The following FSD1 variants were observed in gnomAD, a reference collection of about 807,000 sequenced individuals.
FSD1 encodes fibronectin type III and SPRY domain-containing protein 1.
FSD1 carries 23 observed loss-of-function variants against 58.2 expected under a neutral mutation model. The ratio of observed to expected loss-of-function variants is 0.40; its 90% CI spans 0.28 to 0.56. The LOEUF is 0.56. FSD1 is among the 20% of genes least tolerant of loss of function. The pLI is 0.54. For synonymous variants in FSD1, 265 were observed against 263.4 expected, an observed-to-expected ratio of 1.01 and a Z score of -0.06; for missense variants, 563 against 670.8, an observed-to-expected ratio of 0.84 and a Z score of 1.78.
chr19:4,304,841 A>AACCCCC, intron 1 of FSD1, 80 bp downstream of exon 1: 1 of 312,796 alleles, frequency 3.2e-6, no homozygotes, highest in Non-Finnish European at 4.2e-6. Context: ...CAGCGCCCCC[A>AACCCCC]CTCCCTCCCC....
At chr19:4,308,752 G>A (rs1971654207) in intron 4 of FSD1, among the ~76,000 whole-genome samples, 1 of 151,936 alleles carries the variant, frequency 6.6e-6, no homozygotes, top group Admixed American at 6.6e-5. Flanking sequence ...CAGCTACTCG[G>A]GAGGCTGAGG....
intron 7 of FSD1, among the ~76,000 whole-genome samples, chr19:4,316,269 T>A (rs1254629913): frequency 6.6e-6 from 1 of 152,130 alleles, no homozygotes; most frequent in East Asian, 1.9e-4. Flanking sequence ...TCACCCAGGC[T>A]AGAGTGCAGT....
Position 4,323,370 on chromosome 19 carries a change from C to T in FSD1, c.1314C>T (p.Ala438=). 1 of 1,613,898 alleles carries T rather than the reference C, an allele frequency of 6.2e-7. No homozygotes were observed. The highest frequency in any genetic ancestry group is 8.5e-7 in the Non-Finnish European group (1 of 1,179,864). Residue 438 remains alanine (A), a synonymous_variant, in exon 12 of 13, where the codon GCC becomes GCT. Transcript: ENST00000221856. The surrounding 1 kb of genome is among the most constrained non-coding windows in gnomAD (Gnocchi z 7.7). The part of the protein sequence containing the change: ...FHQGLLSFYN[A]RTKQVLHTFK... ...CAGGCCTCCTGTCCTTCTACAATGC[C>T]CGCACCAAACAAGTGCTGCACACTT... is the stretch of plus-strand genomic sequence containing the variant.
intron 7 of FSD1, 64 bp downstream of exon 7, chr19:4,312,115 C>T (rs1971700118): frequency 5.1e-6 from 7 of 1,381,590 alleles, no homozygotes; most frequent in South Asian, 2.5e-5. Context: ...CCTCCCGTCT[C>T]GCCATCAGTC....
Position 4,323,317 on chromosome 19 carries a change from G to A in FSD1, c.1292-31G>A, listed in dbSNP as rs145078106. On this transcript the variant is annotated intron_variant, in intron 11 of 12. Transcript: ENST00000221856. This position sits in a 1 kb window ranked among gnomAD's most constrained non-coding sequence, Gnocchi z 7.7. ...TCTGCCCCCATCCCACTTCTGACCG[G>A]TCCCACTGTCACTCTGCCCCCCGAC... 812 of 1,609,688 alleles carry A rather than the reference G, an allele frequency of 5.0e-4. 2 individuals are homozygous for A. The African/African-American group carries it at 0.01, about 20-fold the overall frequency.
rs759990460 is a variant in FSD1, at chr19:4,317,205, A to G, written c.724A>G (p.Met242Val). 1.9e-6 allele frequency: 3 copies of G among 1,611,684 alleles called. No homozygotes were observed. The highest frequency in any genetic ancestry group is 1.3e-5 in the African/African-American group (1 of 75,004). Residue 242 changes from methionine (M) to valine (V), a missense_variant, in exon 8 of 13, where the codon ATG becomes GTG. Transcript: ENST00000221856. ...LTGLKFDMKY[M>V]NFRVKACNKA... ...AGGTCTCAAGTTTGACATGAAATAC[A>G]TGAACTTCCGTGTGAAGGCCTGTAA...
intron 8 of FSD1, among the ~76,000 whole-genome samples, chr19:4,317,916 C>T (rs1414784884): frequency 6.6e-6 from 1 of 152,134 alleles, no homozygotes; most frequent in African/African-American, 2.4e-5. Flanking sequence ...ACTTGGGAGG[C>T]TGAGGCAGGA....
rs759232762 is a variant in FSD1 at position 4,323,602 on chromosome 19, C to T, written c.1450C>T (p.Arg484Ter). The change falls in exon 13 of 13, where the codon CGA becomes TGA. Residue 484 changes from arginine to a stop codon, truncating the protein, a stop_gained. Transcript: ENST00000221856. LOFTEE classifies it high-confidence loss of function. The surrounding 1 kb of genome is among the most constrained non-coding windows in gnomAD (Gnocchi z 7.7). Reference sequence around the variant, plus strand: ...CAGTGCTGTGCGCTGCCTGCAAAAGCGAGGCAGTGCTACCAGCAGCTCCAA... The same window carrying T: ...CAGTGCTGTGCGCTGCCTGCAAAAGTGAGGCAGTGCTACCAGCAGCTCCAA... ...VPSAVRCLQK[R>*]GSATSSSNTS... 8.7e-6 allele frequency: 14 copies of T among 1,613,114 alleles called. No individual in the cohort carries two copies. The highest frequency in any genetic ancestry group is 1.7e-4 in the Middle Eastern group (1 of 6,044).
rs777581184 is a variant in FSD1, at chr19:4,307,913, A to G, written c.275A>G (p.Glu92Gly). Residue 92 changes from glutamate (E) to glycine (G), a missense_variant, in exon 4 of 13, where the codon GAG becomes GGG. Physicochemically the swap from Glu to Gly is moderately conservative, Grantham distance 98 (BLOSUM62 -2). Transcript: ENST00000221856. The stretch of plus-strand genomic sequence containing the variant: ...CTGGCTGCCTGCACGCGGGCCCTGG[A>G]GAGCTCCGAGGAGCTTCTGGAGACA... ...NQLAACTRAL[E>G]SSEELLETAN... 4 of 1,613,830 alleles carry G rather than the reference A, an allele frequency of 2.5e-6. No individual in the cohort carries two copies. Among genetic ancestry groups the G allele is most frequent in the Middle Eastern group, 3.3e-4 (2 of 6,054 alleles).
chr19:4,309,908 C>CA (rs796584941), intron 4 of FSD1, among the ~76,000 whole-genome samples: 2,541 of 115,742 alleles, frequency 0.022, 35 homozygotes, highest in African/African-American at 0.05. Flanking sequence ...GACTCCATCT[C>CA]AAAAAAAAAA....
intron 7 of FSD1, among the ~76,000 whole-genome samples, chr19:4,315,476 T>G (rs1468624105): frequency 6.7e-6 from 1 of 149,952 alleles, no homozygotes. Flanking sequence ...GCCTGGCTAA[T>G]TTTTTGTATT....
intron 3 of FSD1, among the ~76,000 whole-genome samples, chr19:4,306,955 C>G (rs544214760): frequency 6.6e-6 from 1 of 152,332 alleles, no homozygotes; most frequent in East Asian, 1.9e-4. Flanking sequence ...GTCACACAGG[C>G]TGCATCCAGA....
chr19:4,311,756 A>G (rs1369308778), intron 6 of FSD1, 86 bp from the exon 7 acceptor site: 4 of 1,255,232 alleles, frequency 3.2e-6, no homozygotes, highest in African/African-American at 3.0e-5. Context: ...ATTGTCCAAC[A>G]TGTGGTTGGG....
At chr19:4,306,435 C>A in intron 3 of FSD1, 106 bp downstream of exon 3, 1 of 1,132,346 alleles carries the variant, frequency 8.8e-7, no homozygotes, top group Non-Finnish European at 1.3e-6. Context: ...AGTTTCTGAT[C>A]TCTCCCCTGA....
At chr19:4,305,018 C>T (rs12979273) in intron 1 of FSD1, among the ~76,000 whole-genome samples, 1 of 141,962 alleles carries the variant, frequency 7.0e-6, no homozygotes, top group East Asian at 2.2e-4. Context: ...AGTCCCATCC[C>T]TGACCCCCAT....
intron 4 of FSD1, among the ~76,000 whole-genome samples, chr19:4,309,274 T>C (rs953656481): frequency 1.3e-5 from 2 of 152,148 alleles, no homozygotes; most frequent in East Asian, 3.9e-4. Context: ...AAAGTATTCA[T>C]TGTTGATCTG....
At chr19:4,306,580 A>G (rs4807579) in intron 3 of FSD1, among the ~76,000 whole-genome samples, 92,872 of 151,230 alleles carry the variant, frequency 0.61, 28,768 homozygotes, top group South Asian at 0.68. Flanking sequence ...CAATTCTCCT[A>G]CCTCAGCCTC....
rs568507296 is a variant in FSD1, at chr19:4,318,781, G to A, written c.960-91G>A. The stretch of plus-strand genomic sequence containing the variant: ...TGCCAGAGATTGACCCAACATCCAC[G>A]GTGGCTGGGGTGGACTAGGGTAGCC... On this transcript the variant is annotated intron_variant, in intron 9 of 12. Transcript: ENST00000221856. 2.1e-5 allele frequency: 22 copies of A among 1,024,858 alleles called. No individual in the cohort carries two copies. In the African/African-American group the frequency reaches 2.4e-4, roughly 11 times the overall value. 63.5% of individuals were successfully genotyped at this position (1,024,858 alleles called of 1,614,324 possible).
rs1971716032 is a variant in FSD1, at chr19:4,322,838, G to C, written c.1040-148G>C. ...ATAGCTGGGAACCTGAGGAGTATCT[G>C]GGGGGTACAGCTAGGAACCTGGGGA... On this transcript the variant is annotated intron_variant, in intron 10 of 12. Transcript: ENST00000221856. The C allele has an allele frequency of 1.8e-5, 17 of 953,398 alleles. No homozygotes were observed. In the South Asian group the frequency reaches 2.8e-4, roughly 16 times the overall value. The allele number at this position is 953,398 out of a possible 1,614,324, so 59.1% of individuals were successfully genotyped here.
Sources: gnomAD v4.1 joint callset for allele counts (sites outside exome capture counted in the v4.1 genomes callset) on GRCh38, gnomAD v4.1.1 for gene constraint, Gnocchi (gnomAD v3.1) non-coding constraint, MANE v1.5 for transcripts, NCBI Gene and HGNC (gene_info 2026-07-23, HGNC 2026-07-21) for gene names.